HSPA12A: variants seen among roughly 807,000 people sequenced by gnomAD.
HSPA12A encodes the protein heat shock 70 kDa protein 12A.
HSPA12A carries 28 observed loss-of-function variants against 69.2 expected under a neutral mutation model. That is an observed-to-expected ratio of 0.40 (90% confidence interval 0.30 to 0.55). HSPA12A has a LOEUF of 0.55. Ranked by LOEUF, HSPA12A falls within the 20% of genes least tolerant of loss-of-function variation. The probability of loss-of-function intolerance (pLI) is 0.38; values close to 1 mark genes in which losing one functional copy is unlikely to be tolerated. For missense variants in HSPA12A, 686 were observed against 900.7 expected, an observed-to-expected ratio of 0.76 and a Z score of 3.05; for synonymous variants, 345 against 370.5, an observed-to-expected ratio of 0.93 and a Z score of 0.79.
intron 6 of HSPA12A, among the ~76,000 whole-genome samples, 160 bp downstream of exon 6, chr10:116,692,191 C>T (rs1849755551): frequency 6.6e-6 from 1 of 152,190 alleles, no homozygotes; most frequent in Non-Finnish European, 1.5e-5. Flanking sequence ...AAAGGGATGG[C>T]TCCTTGTCTC....
At chr10:116,761,148 G>A (rs782450847) in intron 2 of HSPA12A, among the ~76,000 whole-genome samples, 5 of 152,140 alleles carry the variant, frequency 3.3e-5, no homozygotes, top group Non-Finnish European at 5.9e-5. Context: ...CTGGAAGTTC[G>A]AGATGAGCCT....
intron 6 of HSPA12A, 46 bp downstream of exon 6, chr10:116,692,305 T>G (rs2132940678): frequency 3.8e-5 from 56 of 1,474,996 alleles, no homozygotes; most frequent in Non-Finnish European, 4.8e-5. Flanking sequence ...CTGGACATCT[T>G]GAGTCCTTCT....
At chr10:116,744,077 G>A (rs1554887611), upstream of HSPA12A, among the ~76,000 whole-genome samples, 2 of 152,158 alleles carry the variant, frequency 1.3e-5, no homozygotes, top group South Asian at 2.1e-4. Flanking sequence ...CAGCTCCCCC[G>A]CCCTCCTGTC....
At chr10:116,734,790 G>A (rs532193972) in intron 1 of HSPA12A, among the ~76,000 whole-genome samples, 42 of 151,930 alleles carry the variant, frequency 2.8e-4, no homozygotes, top group African/African-American at 8.4e-4. Context: ...TCAGGAGATC[G>A]AGACCATCCT....
At chr10:116,814,333 C>A (rs1401202870) in intron 2 of HSPA12A, among the ~76,000 whole-genome samples, 1 of 152,084 alleles carries the variant, frequency 6.6e-6, no homozygotes, top group Admixed American at 6.6e-5. Flanking sequence ...AGTGGAGTTC[C>A]CAAGGCAGAG....
intron 1 of HSPA12A, among the ~76,000 whole-genome samples, chr10:116,835,442 G>A (rs992102561): frequency 9.9e-5 from 15 of 152,078 alleles, no homozygotes; most frequent in Admixed American, 9.2e-4. Context: ...TCTGTCCTCT[G>A]GTTCCCCAAG....
chr10:116,682,359 C>A (rs374606782), intron 7 of HSPA12A, among the ~76,000 whole-genome samples: 1 of 151,942 alleles, frequency 6.6e-6, no homozygotes, highest in Non-Finnish European at 1.5e-5. Flanking sequence ...AAACAGCCTG[C>A]AGTGCGCTCA....
At chr10:116,696,762 C>T (rs1186033567) in intron 5 of HSPA12A, among the ~76,000 whole-genome samples, 1 of 152,170 alleles carries the variant, frequency 6.6e-6, no homozygotes, top group Non-Finnish European at 1.5e-5. Context: ...GGCATCCTGG[C>T]TTTATCCCAC....
rs1306949093 is a variant in HSPA12A at position 116,742,522 on chromosome 10, G to A, written c.-53C>T. The A allele has an allele frequency of 2.5e-6, 3 of 1,216,346 alleles. No individual in the cohort carries two copies. The highest frequency in any genetic ancestry group is 3.3e-4 in the Middle Eastern group (1 of 3,058). 75.3% of individuals were successfully genotyped at this position (1,216,346 alleles called of 1,614,324 possible). On this transcript the variant is annotated 5_prime_UTR_variant, in exon 1 of 12. It adds an upstream start codon to the 5' untranslated region. Coordinates refer to ENST00000369209, the MANE Select transcript of HSPA12A (RefSeq NM_025015.3). ...AGCCTCCAGCGCAGCGCCCGTGCCCGTGCGGGTCTCTGTCCGCGTCCGCGG... is the reference window on the plus strand; with the variant it reads ...AGCCTCCAGCGCAGCGCCCGTGCCCATGCGGGTCTCTGTCCGCGTCCGCGG...
At chr10:116,801,077 T>G (rs772950174) in intron 2 of HSPA12A, among the ~76,000 whole-genome samples, 5 of 152,220 alleles carry the variant, frequency 3.3e-5, no homozygotes, top group Non-Finnish European at 7.3e-5. Flanking sequence ...GTTAAAGTTC[T>G]GTAAAACCTA....
chr10:116,776,609 G>A (rs1413712651), intron 2 of HSPA12A, among the ~76,000 whole-genome samples: 3 of 152,100 alleles, frequency 2.0e-5, no homozygotes, highest in African/African-American at 4.8e-5. Context: ...AGTGAACAAC[G>A]AATTTATTAT....
chr10:116,817,417 G>A (rs779004093), intron 2 of HSPA12A, among the ~76,000 whole-genome samples: 4 of 151,926 alleles, frequency 2.6e-5, no homozygotes, highest in Non-Finnish European at 5.9e-5. Flanking sequence ...AGCCTTCTGC[G>A]GTGACCTTAG....
intron 2 of HSPA12A, among the ~76,000 whole-genome samples, chr10:116,770,624 G>A (rs1408764085): frequency 1.3e-5 from 2 of 152,120 alleles, no homozygotes; most frequent in African/African-American, 4.8e-5. Context: ...CAGTGGCAGA[G>A]ACGCCGAGCT....
Position 116,707,093 on chromosome 10 carries a change from G to C in HSPA12A, c.126+107C>G, listed in dbSNP as rs1044469911. On this transcript the variant is annotated intron_variant, in intron 2 of 11. Transcript: ENST00000369209. ...GGCTGTCCAGCAGCCTGAACTGTGA[G>C]ATCAGACCCAGAATGCAAAGGAAGT... is the stretch of plus-strand genomic sequence containing the variant. 5.4e-5 allele frequency: 48 copies of C among 895,658 alleles called. No individual in the cohort carries two copies. In the East Asian group the frequency reaches 1.3e-3, roughly 25 times the overall value. 55.5% of individuals were successfully genotyped at this position (895,658 alleles called of 1,614,324 possible). A position where few individuals can be genotyped will look rare whatever the true frequency, so the allele number is the denominator to read the frequency against.
At chr10:116,841,718 G>A (rs1277532442) in intron 1 of HSPA12A, among the ~76,000 whole-genome samples, 1 of 151,816 alleles carries the variant, frequency 6.6e-6, no homozygotes, top group South Asian at 2.1e-4. Context: ...AAAAAATACT[G>A]AGAATTTACT....
intron 2 of HSPA12A, among the ~76,000 whole-genome samples, chr10:116,756,585 C>T (rs1258708147): frequency 1.3e-5 from 2 of 152,228 alleles, no homozygotes; most frequent in African/African-American, 4.8e-5. Context: ...CACTCTACCC[C>T]CATAACCCAA....
chr10:116,758,146 G>A (rs1015122468), intron 2 of HSPA12A, among the ~76,000 whole-genome samples: 5 of 152,180 alleles, frequency 3.3e-5, no homozygotes, highest in Non-Finnish European at 7.3e-5. Context: ...GATGAGGTTG[G>A]AAAGGATGTC....
intron 2 of HSPA12A, among the ~76,000 whole-genome samples, chr10:116,797,324 C>A (rs1475169356): frequency 6.6e-6 from 1 of 152,104 alleles, no homozygotes; most frequent in East Asian, 1.9e-4. Flanking sequence ...GGGTCATCGT[C>A]CTTGACCCCA....
At chr10:116,695,464 A>G (rs550394233) in intron 5 of HSPA12A, among the ~76,000 whole-genome samples, 228 of 152,142 alleles carry the variant, frequency 1.5e-3, no homozygotes, top group African/African-American at 5.2e-3. Flanking sequence ...TGGGCGGATC[A>G]TGAGGTCAGG....
Sources: gnomAD v4.1 joint callset for allele counts (sites outside exome capture counted in the v4.1 genomes callset) on GRCh38, gnomAD v4.1.1 for gene constraint, MANE v1.5 for transcripts, NCBI Gene and HGNC (gene_info 2026-07-23, HGNC 2026-07-21) for gene names.